The following FGF13 variants were observed in gnomAD, a reference collection of about 807,000 sequenced individuals.
The protein encoded by FGF13 is fibroblast growth factor homologous factor 2.
FGF13 carries 2 observed loss-of-function variants against 19.5 expected under a neutral mutation model. That is an observed-to-expected ratio of 0.10 (90% confidence interval 0.04 to 0.32). The LOEUF (loss-of-function observed/expected upper bound fraction) is 0.32. Ranked by LOEUF, FGF13 falls within the 10% of genes least tolerant of loss-of-function variation. FGF13 has a pLI of 1.00. For synonymous variants in FGF13, 72 were observed against 76.9 expected (o/e 0.94, Z 0.33); for missense variants, 113 against 192.7 (o/e 0.59, Z 2.45).
intron 3 of FGF13, among the ~76,000 whole-genome samples, chrX:138,814,318 A>G (rs1167382826): frequency 1.8e-5 from 2 of 110,797 alleles, no homozygotes; most frequent in African/African-American, 6.5e-5. Flanking sequence ...CTAGACAGTA[A>G]AACATACTAT....
chrX:138,896,335 A>G (rs2091504006), intron 1 of FGF13, among the ~76,000 whole-genome samples: 1 of 111,439 alleles, frequency 9.0e-6, no homozygotes, highest in African/African-American at 3.3e-5. Context: ...TAAAAAATAT[A>G]CTTGAGATAA....
intron 1 of FGF13, among the ~76,000 whole-genome samples, chrX:138,898,862 T>A (rs2091517155): frequency 8.9e-6 from 1 of 111,946 alleles, no homozygotes; most frequent in South Asian, 3.7e-4. Context: ...GGTGATTTAT[T>A]GTTGCCTCCC....
intron 2 of FGF13, among the ~76,000 whole-genome samples, chrX:138,708,450 C>T (rs932809299): frequency 8.9e-6 from 1 of 112,005 alleles, no homozygotes; most frequent in Non-Finnish European, 1.9e-5. Flanking sequence ...ACTCCTCTCT[C>T]TTGGGTTAAG....
chrX:139,067,683 G>A (rs1204648866), intron 1 of FGF13, among the ~76,000 whole-genome samples: 5 of 111,931 alleles, frequency 4.5e-5, no homozygotes, highest in Middle Eastern at 4.7e-3. Context: ...AGGAAGAATC[G>A]ATATCGTGAA....
intron 3 of FGF13, among the ~76,000 whole-genome samples, chrX:138,685,328 T>C (rs1044636808): frequency 9.9e-5 from 11 of 111,349 alleles, no homozygotes; most frequent in African/African-American, 3.3e-4. Context: ...AGAAAAGTTA[T>C]TGTATCTTGC....
In FGF13 at chrX:138,812,631, T is replaced by C. The variant is rs139257270; in HGVS notation, c.217+44881A>G. On this transcript the variant is annotated intron_variant, in intron 3 of 6. Coordinates refer to the FGF13 transcript ENST00000436198. ...TAGACCAATGTGATAATACATTCCA[T>C]ATGTAGAAAAGTTGGGAAATATAGT... 2.9e-3 allele frequency among the ~76,000 whole-genome samples: 322 copies of C among 111,704 alleles called. 2 individuals carry two copies. Among genetic ancestry groups the C allele is most frequent in the African/African-American group, 9.8e-3 (301 of 30,766 alleles).
chrX:138,617,204 G>T lies in FGF13; in HGVS notation c.*15646C>A, dbSNP rs191913254. On this transcript the variant is annotated 3_prime_UTR_variant, in exon 5 of 5. Transcript: ENST00000315930. ...ACCTAACAGGTTTGTATATGATACA[G>T]TATATAATTTTAGCTCCATTTCTCC... 33 of 111,938 alleles carry T rather than the reference G, an allele frequency of 2.9e-4. No homozygotes were observed. The highest frequency in any genetic ancestry group is 1.0e-3 in the African/African-American group (31 of 30,837). The allele number at this position is 111,938 out of a possible 1,213,427, so 9.2% of individuals were successfully genotyped here.
intron 1 of FGF13, among the ~76,000 whole-genome samples, chrX:138,918,259 C>T (rs1166004021): frequency 9.0e-6 from 1 of 110,997 alleles, no homozygotes; most frequent in Non-Finnish European, 1.9e-5. Context: ...TTCGTACATA[C>T]TCTGGGAATT....
intron 1 of FGF13, among the ~76,000 whole-genome samples, chrX:138,905,100 C>T (rs1019447880): frequency 9.0e-6 from 1 of 111,154 alleles, no homozygotes; most frequent in African/African-American, 3.3e-5. Context: ...ACTCTATGTC[C>T]AGATTGGGTT....
intron 1 of FGF13, among the ~76,000 whole-genome samples, chrX:138,721,482 C>G (rs894576198): frequency 1.5e-4 from 17 of 111,605 alleles, no homozygotes; most frequent in Non-Finnish European, 3.8e-5. Context: ...GCTATCAACT[C>G]TTTACTTATT....
At position 138,618,167 on chromosome X, in the gene FGF13, C is replaced by T. The variant is rs1569346428; in HGVS notation, c.*14683G>A. ...AGTACCTTTGTGGGAGTCTGGTAGT[C>T]CAGCTCACAGATGGAGCAAAACAAT... On this transcript the variant is annotated 3_prime_UTR_variant, in exon 5 of 5. Transcript: ENST00000315930. 9.0e-6 allele frequency: 1 copy of T among 111,436 alleles called. No homozygotes were observed. Among genetic ancestry groups the T allele is most frequent in the South Asian group, 3.8e-4 (1 of 2,640 alleles). 9.2% of individuals were successfully genotyped at this position (111,436 alleles called of 1,213,427 possible).
intron 1 of FGF13, among the ~76,000 whole-genome samples, chrX:139,193,007 G>A (rs886267563): frequency 9.0e-6 from 1 of 111,414 alleles, no homozygotes; most frequent in Non-Finnish European, 1.9e-5. Context: ...GCACATAGAA[G>A]GTTCAATACA....
At chrX:138,753,067 TTTAA>T (rs751924507) in intron 3 of FGF13, among the ~76,000 whole-genome samples, 10 of 112,295 alleles carry the variant, frequency 8.9e-5, no homozygotes, top group African/African-American at 2.6e-4. Context: ...TGTTTATATA[TTTAA>T]TTAATCCATT....
intron 1 of FGF13, among the ~76,000 whole-genome samples, chrX:139,177,238 C>CTTTTTTTTTTTTTTTTTTTTT (rs35867493): frequency 4.0e-5 from 2 of 49,943 alleles, no homozygotes; most frequent in African/African-American, 1.1e-4. Flanking sequence ...GCAACCCCTG[C>CTTTTTTTTTTTTTTTTTTTTT]TTTTTTTTTT....
At chrX:139,124,668 CA>C (rs780184737) in intron 1 of FGF13, among the ~76,000 whole-genome samples, 1 of 112,104 alleles carries the variant, frequency 8.9e-6, no homozygotes, top group Non-Finnish European at 1.9e-5. Flanking sequence ...TACCTCACCT[CA>C]GTTTCCTCAT....
intron 1 of FGF13, among the ~76,000 whole-genome samples, chrX:138,922,557 C>A (rs2091652369): frequency 8.9e-6 from 1 of 111,771 alleles, no homozygotes; most frequent in African/African-American, 3.3e-5. Flanking sequence ...TCTAGGCCTG[C>A]CTTCCAATTG....
At chrX:139,110,120 T>G (rs1376101953) in intron 1 of FGF13, among the ~76,000 whole-genome samples, 1 of 110,817 alleles carries the variant, frequency 9.0e-6, no homozygotes, top group African/African-American at 3.3e-5. Flanking sequence ...CTACATATAT[T>G]TTTGTTTTTA....
chrX:139,003,269 G>A (rs1297226471), intron 1 of FGF13, among the ~76,000 whole-genome samples: 2 of 109,943 alleles, frequency 1.8e-5, no homozygotes, highest in East Asian at 5.8e-4. Context: ...CAGCGCGTCT[G>A]GAGTTGTTCG....
intron 1 of FGF13, among the ~76,000 whole-genome samples, chrX:139,105,866 AGG>A (rs760156507): frequency 1.8e-5 from 2 of 112,347 alleles, no homozygotes; most frequent in Non-Finnish European, 3.8e-5. Context: ...AGATTACAAT[AGG>A]GCTTTTTTCT....
Sources: allele counts gnomAD v4.1 joint callset (sites outside exome capture counted in the v4.1 genomes callset), GRCh38; gene constraint gnomAD v4.1.1; transcripts MANE v1.5; gene names NCBI Gene and HGNC (gene_info 2026-07-23, HGNC 2026-07-21).